The following CWF19L2 variants were observed in gnomAD, a reference collection of about 807,000 sequenced individuals.
CWF19L2 encodes the protein CWF19-like protein 2.
A neutral mutation model predicts 111.7 loss-of-function variants in CWF19L2; 98 were observed. The ratio of observed to expected loss-of-function variants is 0.88; its 90% confidence interval spans 0.75 to 1.04. The LOEUF (loss-of-function observed/expected upper bound fraction) is 1.04, where lower values mean the gene tolerates loss of function less well. Among genes scored for constraint, CWF19L2 ranks in the 50% least tolerant of loss-of-function variants. The pLI, the probability that CWF19L2 is intolerant of heterozygous loss-of-function variation, is 0.00. For missense variants in CWF19L2, 1,101 were observed against 1,051.4 expected (o/e 1.05, Z -0.65); for synonymous variants, 351 against 342.9 (o/e 1.02, Z -0.26).
At chr11:107,451,262 T>C (rs1457737323) in intron 3 of CWF19L2, among the ~76,000 whole-genome samples, 2 of 151,662 alleles carry the variant, frequency 1.3e-5, no homozygotes, top group African/African-American at 4.8e-5. Flanking sequence ...AAGTAAAAAA[T>C]ATTTTGAATG....
At chr11:107,382,946 G>C (rs1860713101) in intron 12 of CWF19L2, among the ~76,000 whole-genome samples, 1 of 152,208 alleles carries the variant, frequency 6.6e-6, no homozygotes. Flanking sequence ...AAACCCAAGA[G>C]GACTGGGTTC....
rs750268433 is a variant in CWF19L2, at chr11:107,336,576, C to A, written c.2340G>T (p.Met780Ile). The A allele has an allele frequency of 3.1e-6, 5 of 1,601,902 alleles. No homozygotes were observed. Among genetic ancestry groups the A allele is most frequent in the South Asian group, 1.1e-5 (1 of 87,988 alleles). ...TAAACACCTTAAAATAGATGGGAGC[C>A]ATGTCACCCACTTCCTTGGGAAGAG... ...CIPLPKEVGD[M>I]APIYFKKAIM... The change falls in exon 15 of 18, where the codon ATG (methionine) becomes ATT (isoleucine). Residue 780 changes from methionine to isoleucine, a missense_variant. Transcript: ENST00000282251.
intron 14 of CWF19L2, among the ~76,000 whole-genome samples, chr11:107,347,546 C>T (rs1025614932): frequency 6.6e-6 from 1 of 152,190 alleles, no homozygotes; most frequent in African/African-American, 2.4e-5. Flanking sequence ...CTTTCTCACA[C>T]AAAAGGAGCT....
chr11:107,452,282 TTTC>T (rs1861788767), intron 3 of CWF19L2, among the ~76,000 whole-genome samples: 2 of 152,154 alleles, frequency 1.3e-5, no homozygotes, highest in Non-Finnish European at 2.9e-5. Flanking sequence ...TTTTCACTTT[TTTC>T]TTTTTTTTCT....
At chr11:107,456,181 A>G (rs1355131079) in intron 1 of CWF19L2, among the ~76,000 whole-genome samples, 2 of 152,180 alleles carry the variant, frequency 1.3e-5, no homozygotes, top group Non-Finnish European at 2.9e-5. Flanking sequence ...TGTAGCCCCA[A>G]TACCCAGCCC....
chr11:107,400,149 C>T (rs1388305799), intron 10 of CWF19L2, among the ~76,000 whole-genome samples: 1 of 151,878 alleles, frequency 6.6e-6, no homozygotes, highest in East Asian at 1.9e-4. Flanking sequence ...TAAGGTCACA[C>T]CTCAAGGAAC....
chr11:107,378,311 T>C (rs1044929158), intron 12 of CWF19L2, among the ~76,000 whole-genome samples: 2 of 150,178 alleles, frequency 1.3e-5, no homozygotes, highest in African/African-American at 2.5e-5. Context: ...TAAAGACACA[T>C]GCACACGTAT....
intron 10 of CWF19L2, among the ~76,000 whole-genome samples, chr11:107,412,907 C>T (rs1861177580): frequency 6.6e-6 from 1 of 152,170 alleles, no homozygotes; most frequent in South Asian, 2.1e-4. Context: ...ATTTCAATTA[C>T]ATGACATTCT....
intron 16 of CWF19L2, among the ~76,000 whole-genome samples, chr11:107,330,709 A>G (rs11212165): frequency 0.015 from 2,210 of 150,224 alleles, 53 homozygotes; most frequent in African/African-American, 0.051. Context: ...TTTCATGACT[A>G]GGAAAAGCCA....
At chr11:107,423,264 A>G (rs1565277822) in intron 8 of CWF19L2, among the ~76,000 whole-genome samples, 1 of 152,012 alleles carries the variant, frequency 6.6e-6, no homozygotes, top group South Asian at 2.1e-4. Flanking sequence ...ACTAACCAAA[A>G]CAACTTTCCT....
intron 12 of CWF19L2, among the ~76,000 whole-genome samples, chr11:107,380,253 T>C (rs1303547748): frequency 1.3e-5 from 2 of 152,128 alleles, no homozygotes; most frequent in Non-Finnish European, 2.9e-5. Context: ...TTTCAAATTT[T>C]ATGACAATGT....
chr11:107,413,581 A>G (rs552743117), intron 10 of CWF19L2, among the ~76,000 whole-genome samples: 1 of 152,326 alleles, frequency 6.6e-6, no homozygotes, highest in South Asian at 2.1e-4. Flanking sequence ...CCACAAGGAC[A>G]CCTGAAAACA....
intron 12 of CWF19L2, among the ~76,000 whole-genome samples, chr11:107,389,258 G>T (rs1469437881): frequency 1.3e-5 from 2 of 152,198 alleles, no homozygotes; most frequent in Non-Finnish European, 2.9e-5. Context: ...ATTTTTTTCT[G>T]TAAAAAGCCA....
chr11:107,378,518 CA>C (rs1449148808), intron 12 of CWF19L2, among the ~76,000 whole-genome samples: 1 of 151,994 alleles, frequency 6.6e-6, no homozygotes, highest in Non-Finnish European at 1.5e-5. Context: ...ATTGCAAGAA[CA>C]AAAAACCAAA....
rs374158665 is a variant in CWF19L2 at position 107,346,636 on chromosome 11, A to G, written c.2202+2301T>C. Among the ~76,000 whole-genome samples the G allele has an allele frequency of 7.2e-5, 11 of 152,314 alleles. 1 individual carries two copies. The highest frequency in any genetic ancestry group is 2.6e-4 in the African/African-American group (11 of 41,586). ...AAAGCCTATTAAAAAAGCAATCAAC[A>G]TGACAGATCCCCTCCTCATGATCAG... On this transcript the variant is annotated intron_variant, in intron 14 of 17. Coordinates refer to ENST00000282251, the MANE Select transcript of CWF19L2 (RefSeq NM_152434.3).
intron 13 of CWF19L2, among the ~76,000 whole-genome samples, chr11:107,350,651 G>A (rs967639333): frequency 2.0e-5 from 3 of 151,904 alleles, no homozygotes; most frequent in African/African-American, 4.8e-5. Flanking sequence ...ATAGTAGCCC[G>A]AACTAAGACA....
chr11:107,326,969 CT>C lies in CWF19L2; in HGVS notation c.2625del (p.Ala876HisfsTer26). On this transcript the variant is annotated frameshift_variant, in exon 18 of 18. Transcript: ENST00000282251. LOFTEE classifies it high-confidence loss of function. The part of the protein sequence containing the change: ...IRESFEDQRK[K>X]ALQFAQWWKP... Reference sequence around the variant, plus strand: ...TTCCACCACTGAGCAAACTGCAGTGCTTTTTTCCTCTGATCCTCAAAGCTTT... The same window carrying C: ...TTCCACCACTGAGCAAACTGCAGTGCTTTTTCCTCTGATCCTCAAAGCTTT... 1.2e-6 allele frequency: 2 copies of C among 1,611,854 alleles called. No individual in the cohort carries two copies. Among genetic ancestry groups the C allele is most frequent in the South Asian group, 1.1e-5 (1 of 90,772 alleles).
chr11:107,454,051 C>T (rs1262110023), intron 3 of CWF19L2, among the ~76,000 whole-genome samples: 1 of 152,180 alleles, frequency 6.6e-6, no homozygotes, highest in Non-Finnish European at 1.5e-5. Context: ...CCTGATGGCA[C>T]CTCTGGACCC....
intron 14 of CWF19L2, among the ~76,000 whole-genome samples, chr11:107,345,655 C>T (rs1860069653): frequency 6.6e-6 from 1 of 152,124 alleles, no homozygotes; most frequent in Non-Finnish European, 1.5e-5. Context: ...CTTCTCCTCT[C>T]TCTTTCCCTC....
Sources: allele counts gnomAD v4.1 joint callset (sites outside exome capture counted in the v4.1 genomes callset), GRCh38; gene constraint gnomAD v4.1.1; transcripts MANE v1.5; gene names NCBI Gene and HGNC (gene_info 2026-07-23, HGNC 2026-07-21).